The following FUT8 variants were observed in gnomAD, a reference collection of about 807,000 sequenced individuals.
FUT8 encodes fucosyltransferase 8, also known as alpha-(1,6)-fucosyltransferase.
FUT8 carries 29 observed loss-of-function variants against 71.3 expected under a neutral mutation model. The observed-to-expected ratio is 0.41, with a 90% CI of 0.30 to 0.55. The LOEUF (loss-of-function observed/expected upper bound fraction) is 0.55, where lower values mean the gene tolerates loss of function less well. FUT8 is among the 20% of genes least tolerant of loss of function. FUT8 has a pLI of 0.34. For missense variants in FUT8, 544 were observed against 702.1 expected, an observed-to-expected ratio of 0.77 and a Z score of 2.55; for synonymous variants, 254 against 239.3, an observed-to-expected ratio of 1.06 and a Z score of -0.57.
At chr14:65,552,027 A>G (rs1885316523) in intron 2 of FUT8, among the ~76,000 whole-genome samples, 1 of 152,228 alleles carries the variant, frequency 6.6e-6, no homozygotes, top group African/African-American at 2.4e-5. Context: ...GATTGCAACA[A>G]TAAATTACCA....
intron 2 of FUT8, among the ~76,000 whole-genome samples, chr14:65,510,395 T>C (rs1370628752): frequency 1.3e-5 from 2 of 152,250 alleles, no homozygotes; most frequent in Non-Finnish European, 1.5e-5. Context: ...TTTTCTTCTT[T>C]TGATGTGTCT....
chr14:65,471,110 G>A (rs1340656301), intron 2 of FUT8: 1 of 461,044 alleles, frequency 2.2e-6, no homozygotes, highest in South Asian at 1.6e-5. Flanking sequence ...TAAGGGTAGA[G>A]GGATGAGGGG....
At chr14:65,583,588 A>G (rs1887202429) in intron 3 of FUT8, among the ~76,000 whole-genome samples, 1 of 151,992 alleles carries the variant, frequency 6.6e-6, no homozygotes, top group African/African-American at 2.4e-5. Context: ...TAAGTACCTT[A>G]TGGGCTCTAG....
chr14:65,708,656 A>T (rs1459923473), intron 7 of FUT8, among the ~76,000 whole-genome samples: 2 of 152,146 alleles, frequency 1.3e-5, no homozygotes, highest in African/African-American at 4.8e-5. Context: ...TAGTGTAGGG[A>T]AACACTATTG....
intron 2 of FUT8, among the ~76,000 whole-genome samples, chr14:65,482,214 C>T (rs10133902): frequency 0.061 from 9,259 of 152,078 alleles, 486 homozygotes; most frequent in South Asian, 0.19. Context: ...GCAGTTATTT[C>T]AGCATCATTT....
At chr14:65,417,540 T>TA (rs2065236209) in intron 1 of FUT8, among the ~76,000 whole-genome samples, 1 of 152,206 alleles carries the variant, frequency 6.6e-6, no homozygotes, top group African/African-American at 2.4e-5. Flanking sequence ...TATTTGTCAA[T>TA]ATAAGGGTTA....
chr14:65,378,388 A>G, the FUT8 span, among the ~76,000 whole-genome samples: 1 of 152,122 alleles, frequency 6.6e-6, no homozygotes, highest in Middle Eastern at 3.2e-3. Flanking sequence ...TGTGGGTTCT[A>G]TTGCTGATCT....
intron 2 of FUT8, among the ~76,000 whole-genome samples, chr14:65,464,858 G>A (rs1373119074): frequency 6.6e-6 from 1 of 152,188 alleles, no homozygotes; most frequent in African/African-American, 2.4e-5. Flanking sequence ...GAATGAGTTA[G>A]AAGTGCTCAC....
intron 3 of FUT8, among the ~76,000 whole-genome samples, chr14:65,583,655 A>C (rs1417771986): frequency 6.6e-6 from 1 of 151,992 alleles, no homozygotes; most frequent in East Asian, 1.9e-4. Flanking sequence ...GCAAAAAAAA[A>C]AAAGAATGCT....
intron 1 of FUT8, among the ~76,000 whole-genome samples, chr14:65,441,597 A>C (rs1407838596): frequency 6.7e-6 from 1 of 149,788 alleles, no homozygotes; most frequent in Non-Finnish European, 1.5e-5. Flanking sequence ...ACACACAAAA[A>C]AAAAAATTAG....
rs1174434831 is a variant in FUT8, at chr14:65,742,130, A to G, written c.1448A>G (p.His483Arg). ...RVAYEIMQTLHPDASANFHSL... is the reference protein window; with the variant it reads ...RVAYEIMQTLRPDASANFHSL... ...GCTTATGAAATTATGCAAACACTACATCCTGATGCCTCTGCAAACTTCCAT... is the reference window on the plus strand; with the variant it reads ...GCTTATGAAATTATGCAAACACTACGTCCTGATGCCTCTGCAAACTTCCAT... Residue 483 changes from histidine to arginine, a missense_variant, in exon 11 of 11, where the codon CAT becomes CGT. Physicochemically the swap from His to Arg is conservative, Grantham distance 29. Transcript: ENST00000673929. 1 of 1,612,996 alleles carries G rather than the reference A, an allele frequency of 6.2e-7. No individual in the cohort carries two copies.
rs1227918342 is a variant in FUT8, at chr14:65,607,016, AATT to A, written c.204-8961_204-8959del. Among the ~76,000 whole-genome samples the A allele has an allele frequency of 6.6e-6, 1 of 151,922 alleles. No individual in the cohort carries two copies. Among genetic ancestry groups the A allele is most frequent in the Admixed American group, 6.6e-5 (1 of 15,242 alleles). ...TGATATTTTAAAAAACACATTTAGT[AATT>A]TGTGGTTGTTGTTGTATAGAGACTT... On this transcript the variant is annotated intron_variant, in intron 3 of 10. Coordinates refer to ENST00000673929, the MANE Select transcript of FUT8 (RefSeq NM_001371533.1). The surrounding 1 kb of genome is among the most constrained non-coding windows in gnomAD (Gnocchi z 4.1).
rs1460449124 is a variant in FUT8 at position 65,489,210 on chromosome 14, A to G, written c.-228+33492A>G. On this transcript the variant is annotated intron_variant, in intron 2 of 10. Transcript: ENST00000673929. This position sits in a 1 kb window ranked among gnomAD's most constrained non-coding sequence, Gnocchi z 4.0. ...AAGTTAGAGAACAGATTTATCTAACACTAAACGGTCACTGGCAAGAACCTT... is the reference window on the plus strand; with the variant it reads ...AAGTTAGAGAACAGATTTATCTAACGCTAAACGGTCACTGGCAAGAACCTT... Among the ~76,000 whole-genome samples the G allele has an allele frequency of 2.6e-5, 4 of 152,216 alleles. No individual in the cohort carries two copies. Among genetic ancestry groups the G allele is most frequent in the African/African-American group, 9.6e-5 (4 of 41,462 alleles).
chr14:65,659,922 A>T (rs976683157), intron 6 of FUT8, among the ~76,000 whole-genome samples: 1 of 152,110 alleles, frequency 6.6e-6, no homozygotes, highest in African/African-American at 2.4e-5. Flanking sequence ...TTATAACCTC[A>T]ACAGTTAAAT....
rs187010608 is a variant in FUT8 at position 65,593,991 on chromosome 14, T to G, written c.204-21987T>G. Among the ~76,000 whole-genome samples the G allele has an allele frequency of 2.0e-3, 309 of 152,368 alleles. 2 individuals are homozygous for G. In the Middle Eastern group the frequency reaches 0.048, roughly 23 times the overall value. ...TCCCAAAGTGCTGGGATTACAGGCA[T>G]GAGCCACTGCTCCCGGCCTAAGATG... On this transcript the variant is annotated intron_variant, in intron 3 of 10. Transcript: ENST00000673929.
chr14:65,446,908 A>G (rs544637980), intron 1 of FUT8, among the ~76,000 whole-genome samples: 6 of 152,078 alleles, frequency 3.9e-5, no homozygotes, highest in Non-Finnish European at 7.4e-5. Flanking sequence ...TGCTCAAGCA[A>G]TCCTCCAGCC....
At chr14:65,484,397 T>G (rs2066377933) in intron 2 of FUT8, among the ~76,000 whole-genome samples, 1 of 152,200 alleles carries the variant, frequency 6.6e-6, no homozygotes, top group Non-Finnish European at 1.5e-5. Flanking sequence ...TTTACTGGGC[T>G]GAGGAAGTTT....
At chr14:65,596,155 GT>G (rs983205932) in intron 3 of FUT8, among the ~76,000 whole-genome samples, 1 of 152,086 alleles carries the variant, frequency 6.6e-6, no homozygotes, top group African/African-American at 2.4e-5. Context: ...GCTCTGTGGG[GT>G]TTTTTTACCC....
intron 2 of FUT8, among the ~76,000 whole-genome samples, chr14:65,512,143 G>A (rs1882386040): frequency 1.3e-5 from 2 of 152,148 alleles, no homozygotes; most frequent in Non-Finnish European, 2.9e-5. Context: ...ACGTAGAAAA[G>A]GTACAGTAAA....
Sources: allele counts gnomAD v4.1 joint callset (sites outside exome capture counted in the v4.1 genomes callset), GRCh38; gene constraint gnomAD v4.1.1; non-coding constraint Gnocchi (gnomAD v3.1); transcripts MANE v1.5; gene names NCBI Gene and HGNC (gene_info 2026-07-23, HGNC 2026-07-21).